Variants in ADCY5 observed in about 807,000 individuals in gnomAD.
ADCY5 encodes the protein adenylate cyclase 5, also known as adenylate cyclase type 5.
In ADCY5, 30 loss-of-function variants were observed where a neutral mutation model predicts 119.7. The ratio of observed to expected loss-of-function variants is 0.25; its 90% CI spans 0.19 to 0.34. The LOEUF (loss-of-function observed/expected upper bound fraction) is 0.34. ADCY5 is among the 10% of genes least tolerant of loss of function. The pLI is 1.00. For missense variants in ADCY5, 1,324 were observed against 1,775.2 expected (o/e 0.75, Z 4.57); for synonymous variants, 753 against 762.2 (o/e 0.99, Z 0.20).
chr3:123,289,871 G>A lies in ADCY5; in HGVS notation c.3411C>T (p.Asp1137=), dbSNP rs201301039. 3.7e-6 allele frequency: 6 copies of A among 1,614,254 alleles called. No individual in the cohort carries two copies. The Admixed American group carries it at 1.0e-4, about 27-fold the overall frequency. The change falls in exon 19 of 21, where the codon GAC becomes GAT. Residue 1137 remains aspartate, a synonymous_variant. Transcript: ENST00000462833. ...TCTTGCCCACCTTGTCGTAGGTAGAGTCGTTGAGGCCGGAGGCAGCCATGT... is the reference window on the plus strand; with the variant it reads ...TCTTGCCCACCTTGTCGTAGGTAGAATCGTTGAGGCCGGAGGCAGCCATGT... ...STYMAASGLN[D]STYDKVGKTH... is the part of the protein sequence containing the mutation.
At chr3:123,345,757 G>GACACACACACACACAC (rs1231817435) in intron 3 of ADCY5, among the ~76,000 whole-genome samples, 2 of 61,086 alleles carry the variant, frequency 3.3e-5, no homozygotes, top group African/African-American at 1.3e-4. Context: ...CAGACAGACA[G>GACACACACACACACAC]ACAGACAGAC....
intron 1 of ADCY5, among the ~76,000 whole-genome samples, chr3:123,407,761 G>C (rs1259874722): frequency 1.3e-5 from 1 of 78,864 alleles, no homozygotes; most frequent in Non-Finnish European, 2.6e-5. Context: ...GTGAGACCCT[G>C]TCTCAAAAAA....
rs2108143489 is a variant in ADCY5 at position 123,283,975 on chromosome 3, G to GAATC, written c.*629_*632dup. 1 of 152,322 alleles carries GAATC rather than the reference G, an allele frequency of 6.6e-6. No individual in the cohort carries two copies. The highest frequency in any genetic ancestry group is 2.4e-5 in the African/African-American group (1 of 41,548). The allele number at this position is 152,322 out of a possible 1,614,324, so 9.4% of individuals were successfully genotyped here. A position where few individuals can be genotyped will look rare whatever the true frequency, so the allele number is the denominator to read the frequency against. ...TTTTATTTAATAAATATTTTTCTCA[G>GAATC]AATCACCACTCCTTGCTTGGCGTCC... On this transcript the variant is annotated 3_prime_UTR_variant, in exon 21 of 21. Transcript: ENST00000462833.
At chr3:123,363,550 A>G (rs75386182) in intron 1 of ADCY5, among the ~76,000 whole-genome samples, 1 of 152,220 alleles carries the variant, frequency 6.6e-6, no homozygotes, top group Admixed American at 6.5e-5. Flanking sequence ...ATGTCCGAGG[A>G]TGATTATAAA....
intron 1 of ADCY5, among the ~76,000 whole-genome samples, chr3:123,381,691 T>G (rs2107559421): frequency 6.6e-6 from 1 of 152,326 alleles, no homozygotes; most frequent in Non-Finnish European, 1.5e-5. Flanking sequence ...ATGTTGCCGG[T>G]TTAGCATGCT....
At chr3:123,351,192 G>C (rs1042984613) in intron 2 of ADCY5, among the ~76,000 whole-genome samples, 4 of 152,066 alleles carry the variant, frequency 2.6e-5, no homozygotes, top group Non-Finnish European at 5.9e-5. Flanking sequence ...TGGGGACTGG[G>C]GGGCCTGGAG....
chr3:123,406,942 A>G (rs1944919160), intron 1 of ADCY5, among the ~76,000 whole-genome samples: 1 of 152,180 alleles, frequency 6.6e-6, no homozygotes, highest in Non-Finnish European at 1.5e-5. Context: ...ATGGGAATCC[A>G]GGACCTTTTC....
At chr3:123,290,017 G>T in intron 18 of ADCY5, 63 bp from the exon 19 acceptor site, 2 of 1,538,184 alleles carry the variant, frequency 1.3e-6, no homozygotes, top group East Asian at 2.3e-5. Flanking sequence ...CACAGGGAGG[G>T]ACAGAGGATG....
intron 1 of ADCY5, among the ~76,000 whole-genome samples, chr3:123,364,810 A>G (rs1320196076): frequency 6.6e-6 from 1 of 152,204 alleles, no homozygotes; most frequent in African/African-American, 2.4e-5. Flanking sequence ...AAAGACAACC[A>G]GTATTAACGT....
In ADCY5 at chr3:123,448,329, A is replaced by T; in HGVS notation, c.217T>A (p.Trp73Arg). 14 of 1,534,636 alleles carry T rather than the reference A, an allele frequency of 9.1e-6. No homozygotes were observed. The highest frequency in any genetic ancestry group is 1.0e-5 in the Non-Finnish European group (12 of 1,151,658). ...GGATCGTCGTCGTCGTCGCTGCGCCAGCGGCTGGCCAGGCGCTGCTGCTGC... is the reference window on the plus strand; with the variant it reads ...GGATCGTCGTCGTCGTCGCTGCGCCTGCGGCTGGCCAGGCGCTGCTGCTGC... ...PQQQQRLASR[W>R]RSDDDDDPPL... The change falls in exon 1 of 21, where the codon TGG becomes AGG. Residue 73 changes from tryptophan (W) to arginine (R), a missense_variant. Physicochemically the swap from Trp to Arg is moderately radical, Grantham distance 101. Coordinates refer to ENST00000462833, the MANE Select transcript of ADCY5 (RefSeq NM_183357.3).
chr3:123,407,104 C>A lies in ADCY5; in HGVS notation c.1134+40308G>T, dbSNP rs1371163127. Among the ~76,000 whole-genome samples the A allele has an allele frequency of 5.4e-4, 82 of 152,266 alleles. 1 individual carries two copies. The highest frequency in any genetic ancestry group is 7.4e-5 in the Non-Finnish European group (5 of 68,022). On this transcript the variant is annotated intron_variant, in intron 1 of 20. Coordinates refer to ENST00000462833, the MANE Select transcript of ADCY5 (RefSeq NM_183357.3). ...TTCTAGGAACGTGATACCCCCTCAG[C>A]TGCCCCTCCTGGCCAAGCTTTATCC...
In ADCY5 at chr3:123,382,035, G is replaced by GC. The variant is rs1553741492; in HGVS notation, c.1135-29455dup. On this transcript the variant is annotated intron_variant, in intron 1 of 20. Transcript: ENST00000462833. ...TACCTCGCTGACCTCATCTCCTGGGGCCCCCCTGTTGTCCCTCTGCTCCAG... is the reference window on the plus strand; with the variant it reads ...TACCTCGCTGACCTCATCTCCTGGGGCCCCCCCTGTTGTCCCTCTGCTCCAG... 7.6e-3 allele frequency among the ~76,000 whole-genome samples: 1,154 copies of GC among 152,070 alleles called. 18 individuals carry two copies. Among genetic ancestry groups the GC allele is most frequent in the African/African-American group, 0.027 (1,104 of 41,478 alleles).
In ADCY5 at chr3:123,421,039, G is replaced by A. The variant is rs149427165; in HGVS notation, c.1134+26373C>T. Among the ~76,000 whole-genome samples, 809 of 152,134 alleles carry A rather than the reference G, an allele frequency of 5.3e-3. 8 individuals carry two copies. The highest frequency in any genetic ancestry group is 9.6e-3 in the South Asian group (46 of 4,812). On this transcript the variant is annotated intron_variant, in intron 1 of 20. Transcript: ENST00000462833. ...AAGGACACCAGTCACACTGGATTAG[G>A]GCCCACCCTGATGACATCTTAACAT... is the stretch of plus-strand genomic sequence containing the variant.
intron 2 of ADCY5, among the ~76,000 whole-genome samples, chr3:123,351,702 G>A (rs1364458345): frequency 6.6e-6 from 1 of 152,152 alleles, no homozygotes; most frequent in Non-Finnish European, 1.5e-5. Context: ...CACAGAAGAG[G>A]AGACAGTGGG....
intron 1 of ADCY5, among the ~76,000 whole-genome samples, chr3:123,373,781 G>A (rs373691043): frequency 3.5e-4 from 8 of 22,596 alleles, no homozygotes; most frequent in African/African-American, 9.7e-4. Flanking sequence ...CGACCCCCCC[G>A]CAGGTAGCAG....
intron 1 of ADCY5, among the ~76,000 whole-genome samples, chr3:123,425,343 G>C (rs1438842675): frequency 6.6e-6 from 1 of 152,230 alleles, no homozygotes; most frequent in African/African-American, 2.4e-5. Flanking sequence ...GCCCTCGCCA[G>C]ATCCCTCGGG....
At chr3:123,331,055 G>A in intron 4 of ADCY5, 39 bp from the exon 5 acceptor site, 8 of 1,587,078 alleles carry the variant, frequency 5.0e-6, no homozygotes, top group Admixed American at 1.7e-5. Flanking sequence ...AAAATAGTAG[G>A]AAAGAGAAGT....
chr3:123,444,865 T>A (rs564177797), intron 1 of ADCY5, among the ~76,000 whole-genome samples: 73 of 152,258 alleles, frequency 4.8e-4, no homozygotes, highest in African/African-American at 1.6e-3. Context: ...TGGACATGTG[T>A]CTCAACAAAG....
At chr3:123,388,968 A>AG (rs1471672636) in intron 1 of ADCY5, among the ~76,000 whole-genome samples, 1 of 152,158 alleles carries the variant, frequency 6.6e-6, no homozygotes, top group Admixed American at 6.5e-5. Flanking sequence ...GTCCCTAGTT[A>AG]GCCTCTACAG....
Sources: gnomAD v4.1 joint callset for allele counts (sites outside exome capture counted in the v4.1 genomes callset) on GRCh38, gnomAD v4.1.1 for gene constraint, MANE v1.5 for transcripts, NCBI Gene and HGNC (gene_info 2026-07-23, HGNC 2026-07-21) for gene names.